Variants in ABCA13 observed in about 807,000 individuals in gnomAD.
ABCA13 encodes ATP binding cassette subfamily A member 13.
A neutral mutation model predicts 478.7 loss-of-function variants in ABCA13; 476 were observed. That is an observed-to-expected ratio of 0.99 (90% confidence interval 0.92 to 1.07). The LOEUF (loss-of-function observed/expected upper bound fraction) is 1.07. Ranked by LOEUF, ABCA13 falls within the 50% of genes least tolerant of loss-of-function variation. ABCA13 has a pLI of 0.00. For synonymous variants in ABCA13, 2,252 were observed against 2,158.9 expected, an observed-to-expected ratio of 1.04 and a Z score of -1.20; for missense variants, 6,060 against 5,910.6, an observed-to-expected ratio of 1.03 and a Z score of -0.83.
Position 48,412,408 on chromosome 7 carries a change from T to A in ABCA13, c.12284T>A (p.Ile4095Lys), listed in dbSNP as rs1433618478. The stretch of plus-strand genomic sequence containing the variant: ...GACATGGCTTGTGTTACATCCCTGA[T>A]AAAGATCTATATTCCACAAGCATTT... The part of the protein sequence containing the change: ...LKDMACVTSL[I>K]KIYIPQAFLK... The change falls in exon 41 of 62, where the codon ATA (isoleucine) becomes AAA (lysine). Residue 4095 changes from isoleucine (I) to lysine (K), a missense_variant. By Grantham distance (102) the Ile-to-Lys change is moderately radical. Coordinates refer to ENST00000435803, the MANE Select transcript of ABCA13 (RefSeq NM_152701.5). The A allele has an allele frequency of 5.6e-6, 9 of 1,613,532 alleles. No individual in the cohort carries two copies. The highest frequency in any genetic ancestry group is 7.6e-6 in the Non-Finnish European group (9 of 1,179,820).
At chr7:48,643,037 C>A (rs1795209716) in intron 59 of ABCA13, among the ~76,000 whole-genome samples, 1 of 152,146 alleles carries the variant, frequency 6.6e-6, no homozygotes, top group Admixed American at 6.6e-5. Flanking sequence ...CTTTTATTGA[C>A]TGGGTGTTGA....
intron 15 of ABCA13, among the ~76,000 whole-genome samples, chr7:48,252,413 T>A (rs1293655426): frequency 6.6e-6 from 1 of 152,186 alleles, no homozygotes. Context: ...TGTTCAAACA[T>A]CATAGAGTAT....
At chr7:48,366,359 T>C (rs1811670541) in intron 31 of ABCA13, among the ~76,000 whole-genome samples, 2 of 152,068 alleles carry the variant, frequency 1.3e-5, no homozygotes, top group Admixed American at 1.3e-4. Context: ...CTAATCACCC[T>C]GTCTGAAATA....
intron 28 of ABCA13, 148 bp downstream of exon 28, chr7:48,335,683 T>C (rs1244703432): frequency 4.0e-6 from 2 of 496,662 alleles, no homozygotes; most frequent in African/African-American, 2.0e-5. Context: ...AAACTAGAGA[T>C]GTGTGAAAAC....
intron 31 of ABCA13, among the ~76,000 whole-genome samples, chr7:48,358,166 AAGGAC>A (rs377040023): frequency 0.041 from 5,521 of 135,518 alleles, 159 homozygotes; most frequent in East Asian, 0.1. Context: ...AAAAAAAAGA[AAGGAC>A]AGGACAGGAC....
chr7:48,279,946 G>C (rs1451209692), intron 18 of ABCA13, 26 bp downstream of exon 18: 6 of 1,497,940 alleles, frequency 4.0e-6, no homozygotes, highest in Non-Finnish European at 5.3e-6. Context: ...AATTCACTTT[G>C]TTTTTTTCTC....
rs554374691 is a variant in ABCA13, at chr7:48,279,188, C to A, written c.7994C>A (p.Thr2665Lys). ...LAVAFNNETQTFSMDSVNLRE... is the reference protein window; with the variant it reads ...LAVAFNNETQKFSMDSVNLRE... ...GTAGCATTTAACAATGAGACTCAAA[C>A]ATTTTCTATGGATTCTGTCAACTTA... Residue 2665 changes from threonine (T) to lysine (K), a missense_variant, in exon 18 of 62, where the codon ACA (threonine) becomes AAA (lysine). Thr to Lys is a moderately conservative substitution (Grantham distance 78, BLOSUM62 -1). Around this residue, in one of 3 missense-constraint regions of ABCA13, gnomAD observed 4,423 missense variants for 4,309.1 expected, o/e 1.03. Transcript: ENST00000435803. The A allele has an allele frequency of 2.5e-6, 4 of 1,598,156 alleles. No individual in the cohort carries two copies. The highest frequency in any genetic ancestry group is 4.5e-5 in the East Asian group (2 of 44,568).
At chr7:48,414,752 G>C (rs1193337498) in intron 41 of ABCA13, among the ~76,000 whole-genome samples, 1 of 152,092 alleles carries the variant, frequency 6.6e-6, no homozygotes, top group African/African-American at 2.4e-5. Context: ...ATAGGTGTGT[G>C]CCACTGCATC....
chr7:48,187,933 A>G (rs1300043060), intron 1 of ABCA13, among the ~76,000 whole-genome samples: 1 of 151,846 alleles, frequency 6.6e-6, no homozygotes, highest in Non-Finnish European at 1.5e-5. Context: ...TTCCTTCCTA[A>G]TGTTTAGATA....
intron 42 of ABCA13, among the ~76,000 whole-genome samples, chr7:48,434,640 T>C (rs1009607460): frequency 2.6e-5 from 4 of 151,990 alleles, no homozygotes; most frequent in African/African-American, 7.2e-5. Context: ...TTTATAGTTT[T>C]AGCTTTTACA....
At chr7:48,510,131 A>G (rs535365333) in intron 50 of ABCA13, among the ~76,000 whole-genome samples, 34 of 152,112 alleles carry the variant, frequency 2.2e-4, no homozygotes, top group Non-Finnish European at 4.4e-4. Context: ...TTATGAGAGG[A>G]AGCAGAAAAA....
intron 15 of ABCA13, among the ~76,000 whole-genome samples, chr7:48,253,306 C>T (rs888080878): frequency 3.3e-5 from 5 of 152,176 alleles, no homozygotes; most frequent in Admixed American, 6.5e-5. Flanking sequence ...AGAAACCAGT[C>T]ACTTCGGCAG....
chr7:48,641,209 C>T (rs1174999192), intron 59 of ABCA13, among the ~76,000 whole-genome samples: 2 of 152,098 alleles, frequency 1.3e-5, no homozygotes, highest in Admixed American at 6.5e-5. Flanking sequence ...AAAATGGATC[C>T]TAATATGCAT....
At chr7:48,614,870 T>C (rs1287959639) in intron 58 of ABCA13, among the ~76,000 whole-genome samples, 3 of 117,888 alleles carry the variant, frequency 2.5e-5, no homozygotes, top group Non-Finnish European at 5.0e-5. Flanking sequence ...GAACATCACA[T>C]TCTGGGGACT....
At chr7:48,391,803 T>G (rs1816098171) in intron 37 of ABCA13, 118 bp from the exon 38 acceptor site, 1 of 925,410 alleles carries the variant, frequency 1.1e-6, no homozygotes, top group Non-Finnish European at 1.7e-6. Flanking sequence ...AAAAACCAGG[T>G]CAGCAGAAGG....
At position 48,278,860 on chromosome 7, in the gene ABCA13, G is replaced by A. The variant is rs1796641098; in HGVS notation, c.7666G>A (p.Asp2556Asn). Reference sequence around the variant, plus strand: ...TACCAAGGACAGTGTGAAATTCTTTGACACTCTGTATTCCATCATGCAACA... The same window carrying A: ...TACCAAGGACAGTGTGAAATTCTTTAACACTCTGTATTCCATCATGCAACA... ...SNTKDSVKFF[D>N]TLYSIMQQSV... The change falls in exon 18 of 62, where the codon GAC becomes AAC. Residue 2556 changes from aspartate to asparagine, a missense_variant. Around this residue, in one of 3 missense-constraint regions of ABCA13, gnomAD observed 4,423 missense variants for 4,309.1 expected, o/e 1.03. Coordinates refer to ENST00000435803, the MANE Select transcript of ABCA13 (RefSeq NM_152701.5). The A allele has an allele frequency of 6.2e-7, 1 of 1,613,458 alleles. No homozygotes were observed. Among genetic ancestry groups the A allele is most frequent in the Admixed American group, 1.7e-5 (1 of 60,018 alleles).
chr7:48,437,733 C>T (rs151210819), intron 42 of ABCA13, among the ~76,000 whole-genome samples: 1 of 151,952 alleles, frequency 6.6e-6, no homozygotes, highest in Non-Finnish European at 1.5e-5. Context: ...CTAATTTTTG[C>T]AAATTGGTGT....
At chr7:48,393,748 T>C (rs1176577513) in intron 38 of ABCA13, among the ~76,000 whole-genome samples, 1 of 152,192 alleles carries the variant, frequency 6.6e-6, no homozygotes, top group African/African-American at 2.4e-5. Flanking sequence ...ACACATTCCA[T>C]GTGCCGTTGG....
chr7:48,515,616 G>A (rs1832046088), intron 51 of ABCA13, among the ~76,000 whole-genome samples: 1 of 152,108 alleles, frequency 6.6e-6, no homozygotes, highest in African/African-American at 2.4e-5. Context: ...GCTCGATCAA[G>A]TGTCTGAACT....
Sources: allele counts gnomAD v4.1 joint callset (sites outside exome capture counted in the v4.1 genomes callset), GRCh38; gene constraint gnomAD v4.1.1; regional missense constraint gnomAD v4.1.1; transcripts MANE v1.5; gene names NCBI Gene and HGNC (gene_info 2026-07-23, HGNC 2026-07-21).